Variants in LOXL1 observed in about 807,000 individuals in gnomAD.
LOXL1 encodes the protein lysyl oxidase homolog 1.
LOXL1 carries 31 observed loss-of-function variants against 62.2 expected under a neutral mutation model. The observed-to-expected ratio is 0.50, with a 90% CI of 0.37 to 0.67. The LOEUF is 0.67. LOXL1 is among the 30% of genes least tolerant of loss of function. The pLI, the probability that LOXL1 is intolerant of heterozygous loss-of-function variation, is 0.00. For missense variants in LOXL1, 775 were observed against 843.4 expected, an observed-to-expected ratio of 0.92 and a Z score of 1.00; for synonymous variants, 403 against 384.4, an observed-to-expected ratio of 1.05 and a Z score of -0.56.
At position 73,927,783 on chromosome 15, in the gene LOXL1, G is replaced by C. The variant is rs940194335; in HGVS notation, c.1000G>C (p.Val334Leu). ...CGCGCTGGAGCCGCCCTACCTGCCG[G>C]TGCGCAGCTCCGACACGCCCCCGCC... ...PRALEPPYLP[V>L]RSSDTPPPGG... The change falls in exon 1 of 7, where the codon GTG (valine) becomes CTG (leucine). Residue 334 changes from valine to leucine, a missense_variant. Val to Leu is a conservative substitution (Grantham distance 32, BLOSUM62 1). Coordinates refer to ENST00000261921, the MANE Select transcript of LOXL1 (RefSeq NM_005576.4). The C allele has an allele frequency of 3.5e-6, 5 of 1,422,142 alleles. No individual in the cohort carries two copies. The highest frequency in any genetic ancestry group is 3.0e-5 in the Admixed American group (1 of 33,590). 88.1% of individuals were successfully genotyped at this position (1,422,142 alleles called of 1,614,324 possible).
At position 73,926,867 on chromosome 15, in the gene LOXL1, G is replaced by C; in HGVS notation, c.84G>C (p.Ala28=). Reference sequence around the variant, plus strand: ...GCGTGCTGGTGCACGGGCAGCAGGCGCAGCCCGGGCAGGGCTCGGACCCCG... The same window carrying C: ...GCGTGCTGGTGCACGGGCAGCAGGCCCAGCCCGGGCAGGGCTCGGACCCCG... The part of the protein sequence containing the change: ...CLCVLVHGQQ[A]QPGQGSDPAR... The change falls in exon 1 of 7, where the codon GCG becomes GCC. Residue 28 remains alanine (A), a synonymous_variant. Coordinates refer to ENST00000261921, the MANE Select transcript of LOXL1 (RefSeq NM_005576.4). 6.4e-7 allele frequency: 1 copy of C among 1,551,458 alleles called. No homozygotes were observed. The highest frequency in any genetic ancestry group is 8.7e-7 in the Non-Finnish European group (1 of 1,147,880).
At chr15:73,947,497 T>C (rs1261044788) in intron 4 of LOXL1, 2 of 499,480 alleles carry the variant, frequency 4.0e-6, no homozygotes, top group Admixed American at 3.6e-5. Context: ...CCTATTGGCC[T>C]GTTCACCCAC....
chr15:73,947,594 C>T (rs575486909), intron 4 of LOXL1: 19 of 520,836 alleles, frequency 3.6e-5, no homozygotes, highest in Non-Finnish European at 5.8e-5. Context: ...CCATCCATCT[C>T]GTCCCTCCCA....
rs1367544721 is a variant in LOXL1, at chr15:73,930,403, C to T, written c.1102+2518C>T. On this transcript the variant is annotated intron_variant, in intron 1 of 6. Coordinates refer to ENST00000261921, the MANE Select transcript of LOXL1 (RefSeq NM_005576.4). This position sits in a 1 kb window ranked among gnomAD's most constrained non-coding sequence, Gnocchi z 4.7. ...GGATTGCAGGCTAGTTTAGGGCTCA[C>T]AAAGAGGCCAGAGAGGGAGCAGTAG... is the stretch of plus-strand genomic sequence containing the variant. 2.0e-5 allele frequency among the ~76,000 whole-genome samples: 3 copies of T among 152,088 alleles called. No individual in the cohort carries two copies.
At chr15:73,937,981 C>T (rs1159528725) in intron 1 of LOXL1, among the ~76,000 whole-genome samples, 1 of 152,112 alleles carries the variant, frequency 6.6e-6, no homozygotes, top group African/African-American at 2.4e-5. Flanking sequence ...TTAGAGGTGA[C>T]CTGGAGGTCT....
Position 73,945,324 on chromosome 15 carries a change from C to T in LOXL1, c.1212-1093C>T, listed in dbSNP as rs928147709. Reference sequence around the variant, plus strand: ...ACCCAGTGCAAGATGTAGATGGTATCGGGCTGTGCTGCAGTCAGTGCTGTT... The same window carrying T: ...ACCCAGTGCAAGATGTAGATGGTATTGGGCTGTGCTGCAGTCAGTGCTGTT... On this transcript the variant is annotated intron_variant, in intron 2 of 6. Transcript: ENST00000261921. The surrounding 1 kb of genome is among the most constrained non-coding windows in gnomAD (Gnocchi z 4.3). Among the ~76,000 whole-genome samples the T allele has an allele frequency of 2.6e-5, 4 of 152,122 alleles. No individual in the cohort carries two copies. The highest frequency in any genetic ancestry group is 6.6e-5 in the Admixed American group (1 of 15,264).
At chr15:73,942,731 T>G in intron 1 of LOXL1, 123 bp from the exon 2 acceptor site, 1 of 697,566 alleles carries the variant, frequency 1.4e-6, no homozygotes, top group Non-Finnish European at 2.7e-6. Flanking sequence ...TGGCAAAGGG[T>G]TTTGGGGTAT....
Position 73,945,712 on chromosome 15 carries a change from T to C in LOXL1, c.1212-705T>C, listed in dbSNP as rs1010085944. Reference sequence around the variant, plus strand: ...CTTATCAGAATCTCCTGGATAGGACTTTTTTTTTTCTTTTTTTTAGAAAGG... The same window carrying C: ...CTTATCAGAATCTCCTGGATAGGACCTTTTTTTTTCTTTTTTTTAGAAAGG... On this transcript the variant is annotated intron_variant, in intron 2 of 6. Transcript: ENST00000261921. The surrounding 1 kb of genome is among the most constrained non-coding windows in gnomAD (Gnocchi z 4.3). Among the ~76,000 whole-genome samples the C allele has an allele frequency of 6.7e-6, 1 of 149,090 alleles. No individual in the cohort carries two copies. Among genetic ancestry groups the C allele is most frequent in the Non-Finnish European group, 1.5e-5 (1 of 67,090 alleles).
rs142375974 is a variant in LOXL1 at position 73,932,718 on chromosome 15, T to C, written c.1102+4833T>C. Among the ~76,000 whole-genome samples the C allele has an allele frequency of 2.6e-5, 4 of 152,358 alleles. No homozygotes were observed. The East Asian group carries it at 7.7e-4, about 29-fold the overall frequency. On this transcript the variant is annotated intron_variant, in intron 1 of 6. Transcript: ENST00000261921. ...ATCCCTGTGACAACCCTGGGATTGTTATCCCCATTTTGCAGATGAGGAAAC... is the reference window on the plus strand; with the variant it reads ...ATCCCTGTGACAACCCTGGGATTGTCATCCCCATTTTGCAGATGAGGAAAC...
chr15:73,943,894 T>C (rs2068731357), intron 2 of LOXL1, among the ~76,000 whole-genome samples: 1 of 152,196 alleles, frequency 6.6e-6, no homozygotes, highest in Non-Finnish European at 1.5e-5. Flanking sequence ...CCACTCTAAG[T>C]AGCTGATCAT....
chr15:73,931,153 C>T (rs553693499), intron 1 of LOXL1, among the ~76,000 whole-genome samples: 16 of 136,888 alleles, frequency 1.2e-4, no homozygotes, highest in East Asian at 2.8e-4. Flanking sequence ...TCGCACCCCC[C>T]GCCTGACTCA....
intron 2 of LOXL1, among the ~76,000 whole-genome samples, chr15:73,944,539 G>C (rs553343848): frequency 2.6e-5 from 4 of 152,230 alleles, no homozygotes; most frequent in African/African-American, 9.6e-5. Context: ...GGAGGTGGGC[G>C]TGGGAGTTCA....
intron 1 of LOXL1, among the ~76,000 whole-genome samples, chr15:73,936,138 C>G (rs1442641713): frequency 6.6e-6 from 1 of 152,092 alleles, no homozygotes; most frequent in Non-Finnish European, 1.5e-5. Flanking sequence ...TTAGCTGCCA[C>G]TCTGAGACTT....
Position 73,946,358 on chromosome 15 carries a change from G to T in LOXL1, c.1212-59G>T, listed in dbSNP as rs2068746571. 2.3e-6 allele frequency: 3 copies of T among 1,322,534 alleles called. No individual in the cohort carries two copies. The Admixed American group carries it at 5.1e-5, about 23-fold the overall frequency. The allele number at this position is 1,322,534 out of a possible 1,614,324, so 81.9% of individuals were successfully genotyped here. A position where few individuals can be genotyped will look rare whatever the true frequency, so the allele number is the denominator to read the frequency against. On this transcript the variant is annotated intron_variant, in intron 2 of 6. Transcript: ENST00000261921. Reference sequence around the variant, plus strand: ...TGGGGGTGGGGCTGAGGGGGCCCATGCTGGGTTCTGGTGTCACTGTGCCCC... The same window carrying T: ...TGGGGGTGGGGCTGAGGGGGCCCATTCTGGGTTCTGGTGTCACTGTGCCCC...
chr15:73,935,620 G>A (rs183572978), intron 1 of LOXL1, among the ~76,000 whole-genome samples: 298 of 152,292 alleles, frequency 2.0e-3, no homozygotes, highest in African/African-American at 6.6e-3. Flanking sequence ...TTGGGTTCAC[G>A]CTGGGAGGAA....
At chr15:73,943,054 T>C in intron 2 of LOXL1, 92 bp downstream of exon 2, 2 of 969,966 alleles carry the variant, frequency 2.1e-6, no homozygotes, top group Admixed American at 3.5e-5. Flanking sequence ...CTAGGCTGTC[T>C]GCAAGCTGAT....
Position 73,927,583 on chromosome 15 carries a change from C to G in LOXL1, c.800C>G (p.Pro267Arg), listed in dbSNP as rs772342644. 8 of 1,503,530 alleles carry G rather than the reference C, an allele frequency of 5.3e-6. No homozygotes were observed. The highest frequency in any genetic ancestry group is 1.4e-5 in the African/African-American group (1 of 69,186). The allele number at this position is 1,503,530 out of a possible 1,614,324, so 93.1% of individuals were successfully genotyped here. A position where few individuals can be genotyped will look rare whatever the true frequency, so the allele number is the denominator to read the frequency against. ...TACGTGCCGCCGCCGCCGCCGCCCC[C>G]CGACGGCCTGGACCGCCGCTACTCG... ...RPYVPPPPPP[P>R]DGLDRRYSHS... Residue 267 changes from proline to arginine, a missense_variant, in exon 1 of 7, where the codon CCC (proline) becomes CGC (arginine). Pro to Arg is a moderately radical substitution (Grantham distance 103). Coordinates refer to ENST00000261921, the MANE Select transcript of LOXL1 (RefSeq NM_005576.4).
intron 3 of LOXL1, 41 bp from the exon 4 acceptor site, chr15:73,947,026 G>T: frequency 3.2e-6 from 5 of 1,538,658 alleles, no homozygotes; most frequent in Non-Finnish European, 4.4e-6. Flanking sequence ...GCCCAGGGAA[G>T]ACTAGGCCCT....
intron 1 of LOXL1, chr15:73,928,198 T>C (rs1595842465): frequency 3.0e-6 from 1 of 329,152 alleles, no homozygotes; most frequent in Admixed American, 4.9e-5. Flanking sequence ...TTGGCTTGGG[T>C]CATCTGAGGA....
Sources: gnomAD v4.1 joint callset for allele counts (sites outside exome capture counted in the v4.1 genomes callset) on GRCh38, gnomAD v4.1.1 for gene constraint, Gnocchi (gnomAD v3.1) non-coding constraint, MANE v1.5 for transcripts, NCBI Gene and HGNC (gene_info 2026-07-23, HGNC 2026-07-21) for gene names.